Variants in STX8 observed in about 807,000 individuals in gnomAD.
STX8 encodes syntaxin-8.
Under a neutral mutation model 37.5 loss-of-function variants are expected in STX8, and 23 were observed. That is an observed-to-expected ratio of 0.61 (90% CI 0.44 to 0.87). STX8 has a LOEUF of 0.87. STX8 is among the 40% of genes least tolerant of loss of function. The pLI is 0.00. For missense variants in STX8, 313 were observed against 284.7 expected (o/e 1.10, Z -0.71); for synonymous variants, 115 against 99.1 (o/e 1.16, Z -0.95).
intron 4 of STX8, among the ~76,000 whole-genome samples, chr17:9,527,576 A>C (rs1480441009): frequency 6.6e-6 from 1 of 152,226 alleles, no homozygotes; most frequent in Non-Finnish European, 1.5e-5. Context: ...TTTTTTAAAG[A>C]CTTAAAATTA....
intron 7 of STX8, among the ~76,000 whole-genome samples, chr17:9,346,935 C>T (rs111249542): frequency 3.4e-3 from 524 of 152,200 alleles, no homozygotes; most frequent in Middle Eastern, 6.8e-3. Context: ...CGAGACCAAC[C>T]TGATCAACAT....
chr17:9,303,051 T>C (rs1247222691), intron 7 of STX8, among the ~76,000 whole-genome samples: 1 of 150,244 alleles, frequency 6.7e-6, no homozygotes, highest in Non-Finnish European at 1.5e-5. Flanking sequence ...CCCAGCACTT[T>C]GGGAGGCCGA....
intron 7 of STX8, among the ~76,000 whole-genome samples, chr17:9,298,834 A>G (rs1908661273): frequency 6.6e-6 from 1 of 152,004 alleles, no homozygotes; most frequent in African/African-American, 2.4e-5. Flanking sequence ...AAACAAAACA[A>G]AACAAAACCA....
intron 6 of STX8, among the ~76,000 whole-genome samples, chr17:9,478,913 T>C (rs1906205900): frequency 6.6e-6 from 1 of 152,164 alleles, no homozygotes; most frequent in South Asian, 2.1e-4. Flanking sequence ...TCACCATCCC[T>C]TCCACAGCCT....
intron 6 of STX8, among the ~76,000 whole-genome samples, chr17:9,398,109 ACT>A (rs897494322): frequency 6.6e-6 from 1 of 152,082 alleles, no homozygotes; most frequent in Admixed American, 6.5e-5. Flanking sequence ...AAAGAGTGTA[ACT>A]CTCTCTTTCT....
intron 7 of STX8, among the ~76,000 whole-genome samples, chr17:9,262,491 G>A (rs979675024): frequency 6.6e-6 from 1 of 152,100 alleles, no homozygotes; most frequent in African/African-American, 2.4e-5. Flanking sequence ...ATCATCCCTC[G>A]GGTTCCTGCA....
rs528215550 is a variant in STX8 at position 9,490,643 on chromosome 17, G to C, written c.541+1186C>G. Among the ~76,000 whole-genome samples the C allele has an allele frequency of 5.3e-5, 8 of 152,302 alleles. No homozygotes were observed. The East Asian group carries it at 1.5e-3, about 29-fold the overall frequency. ...GCCTCCCAAAGTGTTGGAATTACAG[G>C]TGTGAGCCACCGCACCCACCTGATA... On this transcript the variant is annotated intron_variant, in intron 6 of 7. Transcript: ENST00000306357.
chr17:9,457,422 C>T (rs1388142258), intron 6 of STX8, among the ~76,000 whole-genome samples: 2 of 152,218 alleles, frequency 1.3e-5, no homozygotes, highest in Non-Finnish European at 2.9e-5. Context: ...TCACATCACT[C>T]TAACACTGAC....
intron 6 of STX8, among the ~76,000 whole-genome samples, chr17:9,380,254 G>GTTT (rs34806016): frequency 0.011 from 1,000 of 89,380 alleles, 42 homozygotes; most frequent in African/African-American, 0.041. Context: ...ATTTCTGTGT[G>GTTT]TTTTTTTTTT....
chr17:9,327,072 G>C (rs897004930), intron 7 of STX8, among the ~76,000 whole-genome samples: 1 of 151,684 alleles, frequency 6.6e-6, no homozygotes, highest in Non-Finnish European at 1.5e-5. Flanking sequence ...CAGGAGAATC[G>C]CTTGAACCTG....
At chr17:9,261,333 A>G (rs1205291086) in intron 7 of STX8, among the ~76,000 whole-genome samples, 1 of 152,162 alleles carries the variant, frequency 6.6e-6, no homozygotes, top group Non-Finnish European at 1.5e-5. Context: ...CCCTGGTAAG[A>G]TTTACCCAAG....
At chr17:9,350,658 GA>G (rs1249327246) in intron 7 of STX8, among the ~76,000 whole-genome samples, 4 of 151,878 alleles carry the variant, frequency 2.6e-5, no homozygotes, top group African/African-American at 9.7e-5. Context: ...TCATCCTCCT[GA>G]GTACCTGGGA....
chr17:9,329,195 T>C (rs2142215380), intron 7 of STX8, among the ~76,000 whole-genome samples: 1 of 146,722 alleles, frequency 6.8e-6, no homozygotes, highest in African/African-American at 2.5e-5. Context: ...ATTATGGCCA[T>C]AGCGAAAACA....
chr17:9,556,634 G>T (rs1335790696), intron 3 of STX8, among the ~76,000 whole-genome samples: 1 of 151,216 alleles, frequency 6.6e-6, no homozygotes, highest in African/African-American at 2.4e-5. Context: ...TAGAGATGGG[G>T]TTTCACCATG....
rs548107588 is a variant in STX8 at position 9,254,940 on chromosome 17, G to A, written c.644-4295C>T. On this transcript the variant is annotated intron_variant, in intron 7 of 7. Coordinates refer to ENST00000306357, the MANE Select transcript of STX8 (RefSeq NM_004853.3). ...GAGTCAAGAGAGGCATAGAAGGAGT[G>A]GTCAGCAGAGAGGGAGAAGCTGAGA... Among the ~76,000 whole-genome samples, 6 of 152,296 alleles carry A rather than the reference G, an allele frequency of 3.9e-5. No homozygotes were observed. The South Asian group carries it at 1.2e-3, about 32-fold the overall frequency.
intron 7 of STX8, among the ~76,000 whole-genome samples, chr17:9,293,331 GATTCCA>G (rs1249813110): frequency 6.6e-6 from 1 of 152,130 alleles, no homozygotes; most frequent in Admixed American, 6.5e-5. Context: ...AATGGAGCTG[GATTCCA>G]ATCCAGAAAG....
intron 7 of STX8, among the ~76,000 whole-genome samples, chr17:9,375,216 TA>T (rs1345824214): frequency 3.9e-5 from 6 of 152,162 alleles, no homozygotes; most frequent in Non-Finnish European, 5.9e-5. Flanking sequence ...AGGCATGAGA[TA>T]AATGTATAGT....
At chr17:9,339,986 T>A (rs1197638265) in intron 7 of STX8, among the ~76,000 whole-genome samples, 1 of 152,230 alleles carries the variant, frequency 6.6e-6, no homozygotes, top group Non-Finnish European at 1.5e-5. Flanking sequence ...TGCTGGACTT[T>A]AAGCAACTTG....
intron 6 of STX8, among the ~76,000 whole-genome samples, chr17:9,445,722 T>C (rs958518396): frequency 1.2e-4 from 18 of 152,094 alleles, no homozygotes; most frequent in African/African-American, 3.4e-4. Context: ...TTCCAAACTA[T>C]TACCCACTTT....
Sources: gnomAD v4.1 joint callset for allele counts (sites outside exome capture counted in the v4.1 genomes callset) on GRCh38, gnomAD v4.1.1 for gene constraint, MANE v1.5 for transcripts, NCBI Gene and HGNC (gene_info 2026-07-23, HGNC 2026-07-21) for gene names.